Variants in CRHBP observed in about 807,000 individuals in gnomAD.
CRHBP encodes corticotropin releasing hormone binding protein.
A neutral mutation model predicts 34.9 loss-of-function variants in CRHBP; 19 were observed. The ratio of observed to expected loss-of-function variants is 0.55; its 90% confidence interval spans 0.38 to 0.80. CRHBP has a LOEUF of 0.80. CRHBP is among the 30% of genes least tolerant of loss of function. The pLI is 0.00. For synonymous variants in CRHBP, 154 were observed against 153.4 expected (o/e 1.00, Z -0.03); for missense variants, 328 against 409.2 (o/e 0.80, Z 1.71).
chr5:76,972,091 G>T (rs534882072), downstream of CRHBP, among the ~76,000 whole-genome samples: 5 of 152,102 alleles, frequency 3.3e-5, no homozygotes, highest in African/African-American at 1.2e-4. Context: ...ATGCAGGCTG[G>T]AGTGCAGTGA....
At chr5:76,959,190 C>T (rs1480696958) in intron 5 of CRHBP, among the ~76,000 whole-genome samples, 1 of 152,180 alleles carries the variant, frequency 6.6e-6, no homozygotes, top group Non-Finnish European at 1.5e-5. Flanking sequence ...CTCTCTTGTA[C>T]TTGCCTCTTT....
Position 76,969,446 on chromosome 5 carries a change from TA to T in CRHBP, c.*564del, listed in dbSNP as rs1469105924. The T allele has an allele frequency of 6.5e-6, 1 of 152,708 alleles. No individual in the cohort carries two copies. Among genetic ancestry groups the T allele is most frequent in the Non-Finnish European group, 1.5e-5 (1 of 68,056 alleles). 9.5% of individuals were successfully genotyped at this position (152,708 alleles called of 1,614,324 possible). On this transcript the variant is annotated 3_prime_UTR_variant, in exon 7 of 7. Coordinates refer to ENST00000274368, the MANE Select transcript of CRHBP (RefSeq NM_001882.4). ...TTCCATCCACAAATACAAACATGAATAAATACATTCAGAATGTTGGCACCAT... is the reference window on the plus strand; with the variant it reads ...TTCCATCCACAAATACAAACATGAATAATACATTCAGAATGTTGGCACCAT...
chr5:76,976,266 G>A (rs1173557052), intron 2 of CRHBP: 2 of 152,118 alleles, frequency 1.3e-5, no homozygotes, highest in Admixed American at 6.5e-5. Flanking sequence ...CAACTAACAA[G>A]GTATTGATGA....
intron 5 of CRHBP, 186 bp downstream of exon 5, chr5:76,959,075 G>A (rs76328154): frequency 0.015 from 7,961 of 535,482 alleles, 433 homozygotes; most frequent in African/African-American, 0.13. Context: ...TCAGTTATGC[G>A]GCAAGTTGCA....
chr5:76,978,929 A>G lies in CRHBP; in HGVS notation n.468-2032A>G, dbSNP rs139067344. Among the ~76,000 whole-genome samples the G allele has an allele frequency of 2.3e-4, 35 of 152,350 alleles. No individual in the cohort carries two copies. In the East Asian group the frequency reaches 6.6e-3, roughly 29 times the overall value. ...ATGCTATCAAACAGCATTGCATGCT[A>G]CAGAGAAATGCTTTGTAAAAAGAAG... On this transcript the variant is annotated intron_variant and non_coding_transcript_variant, in intron 3 of 3. Coordinates refer to the CRHBP transcript ENST00000514258.
intron 2 of CRHBP, among the ~76,000 whole-genome samples, chr5:76,974,721 A>G (rs975010113): frequency 6.6e-6 from 1 of 152,190 alleles, no homozygotes; most frequent in African/African-American, 2.4e-5. Flanking sequence ...GAATGGCATC[A>G]GTTCTAATGG....
At chr5:76,964,799 T>A (rs543004114) in intron 6 of CRHBP, among the ~76,000 whole-genome samples, 1 of 152,210 alleles carries the variant, frequency 6.6e-6, no homozygotes, top group East Asian at 1.9e-4. Flanking sequence ...GTGGTTACAG[T>A]GAGCTGAGAT....
At chr5:76,962,597 A>G (rs1745796399) in intron 5 of CRHBP, among the ~76,000 whole-genome samples, 1 of 151,306 alleles carries the variant, frequency 6.6e-6, no homozygotes, top group Non-Finnish European at 1.5e-5. Flanking sequence ...TGGGCAACAT[A>G]TCAAGGACCC....
At chr5:76,961,766 T>C (rs1745779009) in intron 5 of CRHBP, among the ~76,000 whole-genome samples, 1 of 152,126 alleles carries the variant, frequency 6.6e-6, no homozygotes, top group Non-Finnish European at 1.5e-5. Context: ...TTGTTTTGTT[T>C]TTTCGGAGAC....
At chr5:76,974,585 G>A (rs896505817) in intron 2 of CRHBP, among the ~76,000 whole-genome samples, 4 of 152,146 alleles carry the variant, frequency 2.6e-5, no homozygotes, top group African/African-American at 4.8e-5. Context: ...GCACCCAAAA[G>A]AGAGTTGTGG....
intron 6 of CRHBP, among the ~76,000 whole-genome samples, chr5:76,964,247 C>T (rs1745824948): frequency 6.6e-6 from 1 of 152,166 alleles, no homozygotes; most frequent in Admixed American, 6.5e-5. Flanking sequence ...ACTTCAGACA[C>T]AGGAGTCCTA....
chr5:76,972,515 A>G (rs185796615), downstream of CRHBP, among the ~76,000 whole-genome samples: 947 of 152,110 alleles, frequency 6.2e-3, 2 homozygotes, highest in Non-Finnish European at 9.9e-3. Context: ...AAAAATTTAT[A>G]GAGACAGGGT....
chr5:76,975,861 T>TACACAC (rs10683419), intron 2 of CRHBP, among the ~76,000 whole-genome samples: 2 of 107,224 alleles, frequency 1.9e-5, no homozygotes, highest in South Asian at 5.9e-4. Flanking sequence ...CATATATATA[T>TACACAC]ACACACACAT....
chr5:76,979,099 G>A (rs1017363199), intron 3 of CRHBP, among the ~76,000 whole-genome samples: 4 of 152,232 alleles, frequency 2.6e-5, no homozygotes, highest in Admixed American at 2.6e-4. Flanking sequence ...ATGACTCGCT[G>A]AAGGATGGGA....
intron 1 of CRHBP, 28 bp from the exon 2 acceptor site, chr5:76,953,573 T>C: frequency 6.2e-7 from 1 of 1,604,580 alleles, no homozygotes; most frequent in South Asian, 1.1e-5. Flanking sequence ...CCTTGAACTT[T>C]TCCGGACTGA....
downstream of CRHBP, among the ~76,000 whole-genome samples, chr5:76,972,951 C>T (rs1261246571): frequency 6.6e-6 from 1 of 152,114 alleles, no homozygotes; most frequent in Non-Finnish European, 1.5e-5. Flanking sequence ...CCTTCTCTCT[C>T]TTCCCATACC....
At position 76,954,018 on chromosome 5, in the gene CRHBP, T is replaced by C; in HGVS notation, c.176-11T>C. 1.2e-6 allele frequency: 2 copies of C among 1,608,280 alleles called. No individual in the cohort carries two copies. Among genetic ancestry groups the C allele is most frequent in the East Asian group, 4.5e-5 (2 of 44,744 alleles). On this transcript the variant is annotated splice_polypyrimidine_tract_variant and intron_variant, in intron 2 of 6. Transcript: ENST00000274368. ...GCCCGGGACTTATTGCCCCATGCCCTCCTCCCCCAGGGTGCCTGGACATGC... is the reference window on the plus strand; with the variant it reads ...GCCCGGGACTTATTGCCCCATGCCCCCCTCCCCCAGGGTGCCTGGACATGC...
chr5:76,965,603 A>ACAAT (rs1438033333), intron 6 of CRHBP, among the ~76,000 whole-genome samples: 1 of 152,200 alleles, frequency 6.6e-6, no homozygotes, highest in Non-Finnish European at 1.5e-5. Flanking sequence ...GGATTAAAGA[A>ACAAT]CAATCAGGCC....
downstream of CRHBP, among the ~76,000 whole-genome samples, chr5:76,972,174 C>T (rs571890867): frequency 4.0e-5 from 6 of 151,310 alleles, no homozygotes; most frequent in East Asian, 3.9e-4. Flanking sequence ...CTGGGGGTCA[C>T]GGGTGCATGC....
Sources: allele counts gnomAD v4.1 joint callset (sites outside exome capture counted in the v4.1 genomes callset), GRCh38; gene constraint gnomAD v4.1.1; transcripts MANE v1.5; gene names NCBI Gene and HGNC (gene_info 2026-07-23, HGNC 2026-07-21).